ABI3BP: variants seen among roughly 807,000 people sequenced by gnomAD.
The protein encoded by ABI3BP is target of Nesh-SH3.
Under a neutral mutation model 268.6 loss-of-function variants are expected in ABI3BP, and 216 were observed. The observed-to-expected ratio is 0.80, with a 90% CI of 0.72 to 0.90. The LOEUF is 0.90. Among genes scored for constraint, ABI3BP ranks in the 40% least tolerant of loss-of-function variants. The probability of loss-of-function intolerance (pLI) is 0.00; values close to 1 mark genes in which losing one functional copy is unlikely to be tolerated. For missense variants in ABI3BP, 2,090 were observed against 2,182.4 expected (o/e 0.96, Z 0.84); for synonymous variants, 730 against 730.0 (o/e 1.00, Z 0.00).
intron 59 of ABI3BP, among the ~76,000 whole-genome samples, chr3:100,775,997 A>C (rs1020897505): frequency 7.2e-5 from 11 of 152,086 alleles, no homozygotes; most frequent in Non-Finnish European, 1.6e-4. Flanking sequence ...AAGAAGGAAA[A>C]AGATTCCTAG....
intron 7 of ABI3BP, 89 bp downstream of exon 7, chr3:100,876,423 A>T (rs1230221190): frequency 4.9e-6 from 6 of 1,213,704 alleles, no homozygotes; most frequent in Non-Finnish European, 7.0e-6. Flanking sequence ...TCAATTAAAA[A>T]ATCGAGAAAA....
At chr3:100,867,616 G>A (rs2099065386) in intron 9 of ABI3BP, among the ~76,000 whole-genome samples, 1 of 136,712 alleles carries the variant, frequency 7.3e-6, no homozygotes, top group Admixed American at 8.0e-5. Flanking sequence ...ACTCCAGCCT[G>A]GGTGACAGAG....
intron 1 of ABI3BP, among the ~76,000 whole-genome samples, chr3:100,971,946 G>A (rs545005156): frequency 2.6e-5 from 4 of 152,236 alleles, no homozygotes; most frequent in Non-Finnish European, 5.9e-5. Flanking sequence ...CAGTTTCTCA[G>A]TGGAGGAATC....
intron 2 of ABI3BP, among the ~76,000 whole-genome samples, chr3:100,923,980 GA>G (rs982590204): frequency 2.6e-5 from 4 of 152,192 alleles, no homozygotes; most frequent in African/African-American, 9.6e-5. Context: ...GAGTCATTAG[GA>G]AATACATAGT....
intron 63 of ABI3BP, among the ~76,000 whole-genome samples, chr3:100,757,961 A>G (rs1224132324): frequency 1.3e-5 from 2 of 152,206 alleles, no homozygotes; most frequent in Non-Finnish European, 2.9e-5. Flanking sequence ...CCACATCAAA[A>G]TGAATATCTA....
chr3:100,759,415 C>A (rs754696215), intron 63 of ABI3BP, among the ~76,000 whole-genome samples: 2 of 152,128 alleles, frequency 1.3e-5, no homozygotes, highest in Non-Finnish European at 2.9e-5. Context: ...GATCTGGGAA[C>A]ACAGATAAGG....
chr3:100,934,898 T>C (rs539327899), intron 1 of ABI3BP, among the ~76,000 whole-genome samples: 4 of 152,224 alleles, frequency 2.6e-5, no homozygotes, highest in Non-Finnish European at 4.4e-5. Context: ...GATGGGTAGA[T>C]TGCAAAAATT....
chr3:100,853,424 C>G (rs1290234276), intron 14 of ABI3BP, among the ~76,000 whole-genome samples: 1 of 152,234 alleles, frequency 6.6e-6, no homozygotes, highest in Non-Finnish European at 1.5e-5. Context: ...AGTCATGGAT[C>G]TGGCATGGTC....
chr3:100,936,495 T>C (rs1332242469), intron 1 of ABI3BP, among the ~76,000 whole-genome samples: 1 of 152,172 alleles, frequency 6.6e-6, no homozygotes, highest in Non-Finnish European at 1.5e-5. Flanking sequence ...CCTCATAAAA[T>C]GAGTTAGGGA....
In ABI3BP at chr3:100,813,682, C is replaced by T; in HGVS notation, c.3343G>A (p.Glu1115Lys). 3 of 1,535,356 alleles carry T rather than the reference C, an allele frequency of 2.0e-6. No homozygotes were observed. The highest frequency in any genetic ancestry group is 2.6e-6 in the Non-Finnish European group (3 of 1,146,396). ...ILKPVTSPSL[E>K]MTESQPVSDV... ...TTACCAGGTTGACTTTCTGTCATTT[C>T]TAGGCTTGGTGATGTCACTGGTTTC... Residue 1115 changes from glutamate (E) to lysine (K), a missense_variant, in exon 45 of 68, where the codon GAA (glutamate) becomes AAA (lysine). Glu to Lys is a moderately conservative substitution (Grantham distance 56, BLOSUM62 1). Coordinates refer to ENST00000471714, the MANE Select transcript of ABI3BP (RefSeq NM_001375547.2).
intron 1 of ABI3BP, among the ~76,000 whole-genome samples, chr3:100,954,494 T>C (rs2076166834): frequency 6.6e-6 from 1 of 152,212 alleles, no homozygotes; most frequent in Admixed American, 6.5e-5. Context: ...AGCCGTTCTC[T>C]GGCAGCCTTT....
chr3:100,985,438 C>A (rs1239729912), intron 1 of ABI3BP, among the ~76,000 whole-genome samples: 1 of 152,146 alleles, frequency 6.6e-6, no homozygotes, highest in African/African-American at 2.4e-5. Flanking sequence ...CATGAGCCAC[C>A]ATGCCTGGCC....
intron 57 of ABI3BP, among the ~76,000 whole-genome samples, chr3:100,783,632 C>G (rs544174911): frequency 7.2e-5 from 11 of 152,150 alleles, no homozygotes; most frequent in Non-Finnish European, 1.6e-4. Context: ...AACATTTATC[C>G]TTTACAGAAA....
intron 62 of ABI3BP, among the ~76,000 whole-genome samples, chr3:100,769,470 G>T (rs548715769): frequency 6.6e-6 from 1 of 152,012 alleles, no homozygotes; most frequent in African/African-American, 2.4e-5. Flanking sequence ...AAGTTACATC[G>T]GATATTATGA....
chr3:100,816,287 C>T (rs2098040323), intron 43 of ABI3BP: 2 of 441,824 alleles, frequency 4.5e-6, no homozygotes, highest in Non-Finnish European at 4.0e-6. Flanking sequence ...TACGAAAATA[C>T]AGAGAGAAAT....
intron 9 of ABI3BP, among the ~76,000 whole-genome samples, chr3:100,870,621 A>G (rs2099099801): frequency 6.6e-6 from 1 of 152,194 alleles, no homozygotes; most frequent in African/African-American, 2.4e-5. Context: ...TGCAGCTATT[A>G]TAGAAAATGG....
Position 100,821,046 on chromosome 3 carries a change from G to A in ABI3BP, c.2947+8C>T, listed in dbSNP as rs1315237545. 7 of 1,534,324 alleles carry A rather than the reference G, an allele frequency of 4.6e-6. No individual in the cohort carries two copies. The African/African-American group carries it at 6.9e-5, about 15-fold the overall frequency. ...GAACACTTAATGAGGATTGCAACGT[G>A]CTATTACCTTGTGTTGTCACCCAAG... is the stretch of plus-strand genomic sequence containing the variant. On this transcript the variant is annotated splice_region_variant and intron_variant, in intron 39 of 67. Transcript: ENST00000471714.
chr3:100,855,678 C>T (rs915570485), intron 14 of ABI3BP, among the ~76,000 whole-genome samples: 2 of 152,204 alleles, frequency 1.3e-5, no homozygotes, highest in Non-Finnish European at 2.9e-5. Context: ...ATGATGTGCA[C>T]GTGTGTACAC....
intron 1 of ABI3BP, among the ~76,000 whole-genome samples, chr3:100,952,405 G>C (rs2153774856): frequency 6.6e-6 from 1 of 152,154 alleles, no homozygotes; most frequent in South Asian, 2.1e-4. Flanking sequence ...AAACATATAT[G>C]ATTTTTGTTA....
Sources: gnomAD v4.1 joint callset for allele counts (sites outside exome capture counted in the v4.1 genomes callset) on GRCh38, gnomAD v4.1.1 for gene constraint, MANE v1.5 for transcripts, NCBI Gene and HGNC (gene_info 2026-07-23, HGNC 2026-07-21) for gene names.